The following CNTNAP2 variants were observed in gnomAD, a reference collection of about 807,000 sequenced individuals.
CNTNAP2 encodes the protein contactin-associated protein-like 2.
CNTNAP2 carries 98 observed loss-of-function variants against 155.2 expected under a neutral mutation model. That is an observed-to-expected ratio of 0.63 (90% CI 0.54 to 0.75). CNTNAP2 has a LOEUF of 0.75. Among genes scored for constraint, CNTNAP2 ranks in the 30% least tolerant of loss-of-function variants. The probability of loss-of-function intolerance (pLI) is 0.00; values close to 1 mark genes in which losing one functional copy is unlikely to be tolerated. For missense variants in CNTNAP2, 1,727 were observed against 1,688.1 expected (o/e 1.02, Z -0.40); for synonymous variants, 651 against 631.2 (o/e 1.03, Z -0.47).
At chr7:147,343,235 C>A (rs1795794577) in intron 9 of CNTNAP2, among the ~76,000 whole-genome samples, 1 of 151,988 alleles carries the variant, frequency 6.6e-6, no homozygotes, top group Admixed American at 6.6e-5. Context: ...ATACAGGTTA[C>A]CGTGTTTTTT....
At chr7:146,729,576 T>A (rs1370903161) in intron 1 of CNTNAP2, among the ~76,000 whole-genome samples, 2 of 151,734 alleles carry the variant, frequency 1.3e-5, no homozygotes, top group Non-Finnish European at 2.9e-5. Flanking sequence ...TATATGTATA[T>A]ATATATTTAT....
chr7:146,495,973 A>T (rs1797209419), intron 1 of CNTNAP2, among the ~76,000 whole-genome samples: 1 of 152,180 alleles, frequency 6.6e-6, no homozygotes. Context: ...ATTAGGACGG[A>T]TTGTGGAGTG....
intron 8 of CNTNAP2, among the ~76,000 whole-genome samples, chr7:147,282,469 A>C (rs918116222): frequency 6.6e-6 from 1 of 151,882 alleles, no homozygotes; most frequent in Non-Finnish European, 1.5e-5. Flanking sequence ...TTAAGCCATG[A>C]CAGTGGTGAG....
chr7:147,972,061 T>G (rs1801342708), intron 14 of CNTNAP2, among the ~76,000 whole-genome samples: 1 of 152,216 alleles, frequency 6.6e-6, no homozygotes, highest in Admixed American at 6.5e-5. Flanking sequence ...TAGTGTGAAG[T>G]AGCATCTCAA....
chr7:146,248,859 A>G (rs1012141186), intron 1 of CNTNAP2, among the ~76,000 whole-genome samples: 2 of 152,158 alleles, frequency 1.3e-5, no homozygotes, highest in Admixed American at 6.5e-5. Flanking sequence ...GCTTTGTGTG[A>G]GCAATAAAAG....
chr7:146,151,706 A>ATATG (rs1798054478), intron 1 of CNTNAP2, among the ~76,000 whole-genome samples: 1 of 65,358 alleles, frequency 1.5e-5, no homozygotes, highest in South Asian at 4.0e-4. Flanking sequence ...ATGTATATAT[A>ATATG]TATATATGTA....
intron 2 of CNTNAP2, among the ~76,000 whole-genome samples, chr7:146,776,223 G>C (rs1802387552): frequency 6.6e-6 from 1 of 152,138 alleles, no homozygotes; most frequent in South Asian, 2.1e-4. Flanking sequence ...AGAGTGTACT[G>C]TTCCCTAAAA....
chr7:146,463,465 C>T lies in CNTNAP2; in HGVS notation c.98-310806C>T, dbSNP rs1234172660. ...GAATCAATATGTTAAATTATCTTGCCAACCTGTTAACCACGTGTCAGGAAC... is the reference window on the plus strand; with the variant it reads ...GAATCAATATGTTAAATTATCTTGCTAACCTGTTAACCACGTGTCAGGAAC... On this transcript the variant is annotated intron_variant, in intron 1 of 23. Transcript: ENST00000361727. Among the ~76,000 whole-genome samples, 3 of 151,856 alleles carry T rather than the reference C, an allele frequency of 2.0e-5. No homozygotes were observed. The East Asian group carries it at 5.8e-4, about 29-fold the overall frequency.
chr7:147,059,492 T>C (rs980982105), intron 4 of CNTNAP2, among the ~76,000 whole-genome samples: 1 of 151,832 alleles, frequency 6.6e-6, no homozygotes, highest in Non-Finnish European at 1.5e-5. Flanking sequence ...TTATTTCCAA[T>C]TGTACAATGG....
At chr7:147,709,022 C>T (rs1397668071) in intron 13 of CNTNAP2, among the ~76,000 whole-genome samples, 1 of 152,174 alleles carries the variant, frequency 6.6e-6, no homozygotes, top group Non-Finnish European at 1.5e-5. Context: ...CACAGAGATG[C>T]ACTGTTCAGA....
chr7:147,862,938 T>A (rs1230575598), intron 13 of CNTNAP2, among the ~76,000 whole-genome samples: 1 of 151,984 alleles, frequency 6.6e-6, no homozygotes, highest in African/African-American at 2.4e-5. Flanking sequence ...TTTATATTTT[T>A]ATATATATAT....
chr7:148,124,488 G>A lies in CNTNAP2; in HGVS notation c.2554+6200G>A, dbSNP rs1194952003. On this transcript the variant is annotated intron_variant, in intron 16 of 23. Transcript: ENST00000361727. ...CCATCATAACCAGGGTCCCAACCTC[G>A]GGCCACCACCTCCTGAGCACCTGCC... Among the ~76,000 whole-genome samples, 5 of 151,974 alleles carry A rather than the reference G, an allele frequency of 3.3e-5. No individual in the cohort carries two copies. The East Asian group carries it at 5.8e-4, about 18-fold the overall frequency.
chr7:146,915,147 T>C (rs1225366969), intron 3 of CNTNAP2, among the ~76,000 whole-genome samples: 2 of 152,136 alleles, frequency 1.3e-5, no homozygotes, highest in African/African-American at 2.4e-5. Flanking sequence ...GCTCTATTTA[T>C]GGGTTCTCTA....
At chr7:148,179,626 A>G (rs1795001342) in intron 18 of CNTNAP2, among the ~76,000 whole-genome samples, 1 of 138,296 alleles carries the variant, frequency 7.2e-6, no homozygotes, top group Non-Finnish European at 1.6e-5. Context: ...GGAAGGAAGG[A>G]AGGAGAGAAA....
At chr7:146,248,495 G>A (rs188938862) in intron 1 of CNTNAP2, among the ~76,000 whole-genome samples, 5 of 152,252 alleles carry the variant, frequency 3.3e-5, no homozygotes, top group Non-Finnish European at 7.4e-5. Flanking sequence ...CATGACCAGC[G>A]CCGGAGTTTT....
chr7:147,396,084 A>G (rs1231712872), intron 10 of CNTNAP2, among the ~76,000 whole-genome samples: 1 of 147,900 alleles, frequency 6.8e-6, no homozygotes, highest in Non-Finnish European at 1.5e-5. Flanking sequence ...ATACATATAT[A>G]TGTAGCATAT....
In CNTNAP2 at chr7:146,832,670, CGT is replaced by C. The variant is rs372328046; in HGVS notation, c.209-7032_209-7031del. Among the ~76,000 whole-genome samples, 256 of 148,096 alleles carry C rather than the reference CGT, an allele frequency of 1.7e-3. 1 individual carries two copies. The highest frequency in any genetic ancestry group is 5.7e-3 in the African/African-American group (232 of 40,464). ...ACACTGTATAATTTATAAATATGTA[CGT>C]GTGTGTGTATATATATATATGTCAA... On this transcript the variant is annotated intron_variant, in intron 2 of 23. Transcript: ENST00000361727.
At chr7:148,062,000 TAGATAGATGATAGAG>T (rs1563185575) in intron 15 of CNTNAP2, among the ~76,000 whole-genome samples, 4 of 104,310 alleles carry the variant, frequency 3.8e-5, no homozygotes, top group Non-Finnish European at 7.4e-5. Context: ...GATAGATAGA[TAGATAGATGATAGAG>T]AGAGAGAGAG....
intron 3 of CNTNAP2, among the ~76,000 whole-genome samples, chr7:146,967,407 C>A (rs767381663): frequency 6.6e-6 from 1 of 152,084 alleles, no homozygotes; most frequent in Non-Finnish European, 1.5e-5. Context: ...GGCAGTACGG[C>A]CATTTTCACG....
Sources: gnomAD v4.1 joint callset for allele counts (sites outside exome capture counted in the v4.1 genomes callset) on GRCh38, gnomAD v4.1.1 for gene constraint, MANE v1.5 for transcripts, NCBI Gene and HGNC (gene_info 2026-07-23, HGNC 2026-07-21) for gene names.